Variants in PPP2R2C observed in about 807,000 individuals in gnomAD.
The protein encoded by PPP2R2C is protein phosphatase 2 regulatory subunit Bgamma.
Under a neutral mutation model 45.3 loss-of-function variants are expected in PPP2R2C, and 10 were observed. The ratio of observed to expected loss-of-function variants is 0.22; its 90% CI spans 0.14 to 0.37. The LOEUF is 0.37. Among genes scored for constraint, PPP2R2C ranks in the 10% least tolerant of loss-of-function variants. PPP2R2C has a pLI of 1.00. For missense variants in PPP2R2C, 308 were observed against 619.7 expected, an observed-to-expected ratio of 0.50 and a Z score of 5.34; for synonymous variants, 257 against 245.4, an observed-to-expected ratio of 1.05 and a Z score of -0.44.
intron 5 of PPP2R2C, among the ~76,000 whole-genome samples, chr4:6,354,180 C>T (rs984991949): frequency 6.6e-6 from 1 of 151,600 alleles, no homozygotes; most frequent in Middle Eastern, 3.4e-3. Context: ...AGTGAACTTC[C>T]TCAAACAGCT....
intron 1 of PPP2R2C, among the ~76,000 whole-genome samples, chr4:6,446,807 G>A (rs1276048700): frequency 6.6e-6 from 1 of 151,820 alleles, no homozygotes; most frequent in Non-Finnish European, 1.5e-5. Context: ...TTCAGCAGAT[G>A]ACAAAAGGGA....
chr4:6,555,211 C>T (rs1725354943), intron 1 of PPP2R2C, among the ~76,000 whole-genome samples: 1 of 152,152 alleles, frequency 6.6e-6, no homozygotes. Flanking sequence ...CCCAAAGCCC[C>T]ACCCTCAATA....
intron 1 of PPP2R2C, among the ~76,000 whole-genome samples, chr4:6,560,140 G>A (rs775157597): frequency 5.9e-5 from 9 of 152,192 alleles, no homozygotes; most frequent in South Asian, 2.1e-4. Context: ...GCAAGGCAGG[G>A]GCAGGGGTGC....
At chr4:6,436,983 A>G (rs746724296) in intron 1 of PPP2R2C, among the ~76,000 whole-genome samples, 1 of 152,172 alleles carries the variant, frequency 6.6e-6, no homozygotes, top group African/African-American at 2.4e-5. Flanking sequence ...GAACATTTCA[A>G]TATTAAAAGA....
chr4:6,530,264 A>G (rs943069042), intron 2 of PPP2R2C, among the ~76,000 whole-genome samples: 85 of 152,210 alleles, frequency 5.6e-4, no homozygotes, highest in African/African-American at 2.0e-3. Flanking sequence ...CTTGTTTCAG[A>G]AAAGGTCCAA....
At chr4:6,520,035 A>G (rs1038433772) in intron 2 of PPP2R2C, among the ~76,000 whole-genome samples, 25 of 152,192 alleles carry the variant, frequency 1.6e-4, no homozygotes, top group African/African-American at 6.0e-4. Context: ...GAGTGACAGG[A>G]CGGGCTGGGT....
At chr4:6,490,461 C>T (rs1722664804) in intron 2 of PPP2R2C, among the ~76,000 whole-genome samples, 1 of 152,152 alleles carries the variant, frequency 6.6e-6, no homozygotes, top group South Asian at 2.1e-4. Flanking sequence ...AATGATTGCT[C>T]ACAAATTAAA....
At chr4:6,486,431 AT>A (rs992219640) in intron 2 of PPP2R2C, among the ~76,000 whole-genome samples, 9 of 152,062 alleles carry the variant, frequency 5.9e-5, no homozygotes, top group Admixed American at 2.6e-4. Flanking sequence ...TTTCTTACAC[AT>A]TTTTTTGTTT....
In PPP2R2C at chr4:6,378,696, G is replaced by A. The variant is rs927847093; in HGVS notation, c.169-124C>T. ...CCGAGCCGTGCCAGGGATCCAATTCGAGGGTCAAATGAAACTCTCTGCAGC... is the reference window on the plus strand; with the variant it reads ...CCGAGCCGTGCCAGGGATCCAATTCAAGGGTCAAATGAAACTCTCTGCAGC... On this transcript the variant is annotated intron_variant, in intron 2 of 8. Coordinates refer to ENST00000382599, the MANE Select transcript of PPP2R2C (RefSeq NM_020416.4). This position sits in a 1 kb window ranked among gnomAD's most constrained non-coding sequence, Gnocchi z 5.2. 6.7e-6 allele frequency: 7 copies of A among 1,051,044 alleles called. No individual in the cohort carries two copies. Among genetic ancestry groups the A allele is most frequent in the South Asian group, 4.6e-5 (3 of 65,072 alleles). The allele number at this position is 1,051,044 out of a possible 1,614,324, so 65.1% of individuals were successfully genotyped here. A position where few individuals can be genotyped will look rare whatever the true frequency, so the allele number is the denominator to read the frequency against.
chr4:6,414,447 C>T, intron 1 of PPP2R2C, among the ~76,000 whole-genome samples: 1 of 152,126 alleles, frequency 6.6e-6, no homozygotes, highest in East Asian at 1.9e-4. Flanking sequence ...ACGCAGAAAG[C>T]AGGAGGCTGG....
At chr4:6,533,058 G>A (rs577324470) in intron 2 of PPP2R2C, among the ~76,000 whole-genome samples, 1 of 152,314 alleles carries the variant, frequency 6.6e-6, no homozygotes, top group East Asian at 1.9e-4. Flanking sequence ...AGACGGCTCT[G>A]GTCTTGAGTT....
chr4:6,359,202 G>T (rs1034065251), intron 5 of PPP2R2C, among the ~76,000 whole-genome samples: 1 of 152,160 alleles, frequency 6.6e-6, no homozygotes, highest in Non-Finnish European at 1.5e-5. Flanking sequence ...GTAGGGACAT[G>T]GATGAAGCTG....
intron 1 of PPP2R2C, among the ~76,000 whole-genome samples, chr4:6,535,773 G>A (rs1285080263): frequency 4.6e-5 from 7 of 152,034 alleles, no homozygotes; most frequent in East Asian, 1.9e-4. Context: ...TAGAAGCCCC[G>A]CCCCACCCCA....
chr4:6,381,320 G>T (rs547980365), intron 1 of PPP2R2C: 2 of 1,519,936 alleles, frequency 1.3e-6, no homozygotes, highest in Middle Eastern at 1.7e-4. Context: ...CAGAGATCTC[G>T]GGACTTGGCA....
intron 1 of PPP2R2C, among the ~76,000 whole-genome samples, chr4:6,536,971 G>A (rs1009453402): frequency 8.5e-5 from 13 of 152,328 alleles, no homozygotes; most frequent in African/African-American, 2.9e-4. Flanking sequence ...GGGAGGCTGA[G>A]GTGGGCAGAT....
rs1486422364 is a variant in PPP2R2C at position 6,534,221 on chromosome 4, CAACA to C, written c.49+1046_49+1049del. ...AACACACACCAACACATACACATAT[CAACA>C]AACACACACCAACACACATACACAC... is the stretch of plus-strand genomic sequence containing the variant. On this transcript the variant is annotated intron_variant, in intron 2 of 9. Coordinates refer to the PPP2R2C transcript ENST00000506140. Among the ~76,000 whole-genome samples the C allele has an allele frequency of 2.7e-3, 408 of 149,436 alleles. 1 individual carries two copies. Among genetic ancestry groups the C allele is most frequent in the African/African-American group, 9.6e-3 (389 of 40,500 alleles).
At chr4:6,492,803 G>A (rs73086184) in intron 2 of PPP2R2C, among the ~76,000 whole-genome samples, 4,574 of 152,232 alleles carry the variant, frequency 0.03, 232 homozygotes, top group African/African-American at 0.1. Flanking sequence ...AATGACACAG[G>A]TGCATACCGC....
At position 6,505,363 on chromosome 4, in the gene PPP2R2C, G is replaced by T. The variant is rs183897924; in HGVS notation, c.49+29908C>A. On this transcript the variant is annotated intron_variant, in intron 2 of 9. Transcript: ENST00000506140. ...GAAGCAATGAAGAACACTGGAAATG[G>T]TAAACATGTGGGTAAACATAAAAGA... Among the ~76,000 whole-genome samples, 495 of 152,312 alleles carry T rather than the reference G, an allele frequency of 3.2e-3. 1 individual carries two copies. The highest frequency in any genetic ancestry group is 0.011 in the African/African-American group (472 of 41,566).
At chr4:6,508,351 C>T (rs985250730) in intron 2 of PPP2R2C, among the ~76,000 whole-genome samples, 10 of 151,934 alleles carry the variant, frequency 6.6e-5, no homozygotes, top group African/African-American at 1.9e-4. Context: ...CTTTGGGAGG[C>T]CGAGGTGGGC....
Sources: allele counts gnomAD v4.1 joint callset (sites outside exome capture counted in the v4.1 genomes callset), GRCh38; gene constraint gnomAD v4.1.1; non-coding constraint Gnocchi (gnomAD v3.1); transcripts MANE v1.5; gene names NCBI Gene and HGNC (gene_info 2026-07-23, HGNC 2026-07-21).